Variants in RSPH14 observed in about 807,000 individuals in gnomAD.
RSPH14 encodes rhabdoid tumor deletion region gene 1.
In RSPH14, 20 loss-of-function variants were observed where a neutral mutation model predicts 26.7. The observed-to-expected ratio is 0.75, with a 90% CI of 0.53 to 1.09. The LOEUF (loss-of-function observed/expected upper bound fraction) is 1.09. Ranked by LOEUF, RSPH14 falls within the 50% of genes least tolerant of loss-of-function variation. The pLI is 0.00. For missense variants in RSPH14, 449 were observed against 457.2 expected (o/e 0.98, Z 0.16); for synonymous variants, 177 against 189.3 (o/e 0.93, Z 0.53).
At chr22:23,090,237 G>C (rs1048910162) in intron 4 of RSPH14, among the ~76,000 whole-genome samples, 1 of 151,986 alleles carries the variant, frequency 6.6e-6, no homozygotes, top group African/African-American at 2.4e-5. Context: ...CCCTCTCCAA[G>C]AGCAGCCCCT....
chr22:23,111,294 G>A (rs747117843), intron 4 of RSPH14, among the ~76,000 whole-genome samples: 4 of 152,242 alleles, frequency 2.6e-5, no homozygotes, highest in Non-Finnish European at 4.4e-5. Context: ...CCTGTGACGT[G>A]GCTGGCTCTG....
chr22:23,168,436 T>G, the RSPH14 span, among the ~76,000 whole-genome samples: 2 of 151,992 alleles, frequency 1.3e-5, no homozygotes, highest in Non-Finnish European at 2.9e-5. Flanking sequence ...GAGGGACCCC[T>G]CCTCTCCTGA....
upstream of RSPH14, chr22:23,145,183 G>C (rs1405738810): frequency 6.5e-6 from 4 of 615,806 alleles, no homozygotes; most frequent in East Asian, 1.1e-4. Flanking sequence ...CAGAACCTGC[G>C]CGAATCTCTC....
intron 4 of RSPH14, among the ~76,000 whole-genome samples, chr22:23,072,533 G>C (rs1396187943): frequency 1.3e-5 from 2 of 152,140 alleles, no homozygotes; most frequent in East Asian, 3.9e-4. Flanking sequence ...GGATGTTTTT[G>C]CTCTCCCTCT....
chr22:23,114,307 CTT>C (rs1443896638), intron 4 of RSPH14, among the ~76,000 whole-genome samples: 8 of 152,222 alleles, frequency 5.3e-5, no homozygotes, highest in African/African-American at 1.9e-4. Context: ...AGTGGGCTGA[CTT>C]GAGCTTCTCA....
chr22:23,123,642 C>G lies in RSPH14; in HGVS notation c.421+10384G>C, dbSNP rs961734571. The G allele has an allele frequency of 5.3e-5, 31 of 584,104 alleles. No homozygotes were observed. In the Admixed American group the frequency reaches 9.3e-4, roughly 18 times the overall value. 36.2% of individuals were successfully genotyped at this position (584,104 alleles called of 1,614,324 possible). A position where few individuals can be genotyped will look rare whatever the true frequency, so the allele number is the denominator to read the frequency against. ...GTAGATAGACACACACACATGCACA[C>G]ACACACATCTGGAGATGGCAAAATC... On this transcript the variant is annotated intron_variant, in intron 4 of 6. Coordinates refer to ENST00000216036, the MANE Select transcript of RSPH14 (RefSeq NM_014433.3).
At chr22:23,074,102 T>C (rs951450179) in intron 4 of RSPH14, among the ~76,000 whole-genome samples, 1 of 152,038 alleles carries the variant, frequency 6.6e-6, no homozygotes, top group Non-Finnish European at 1.5e-5. Context: ...CAGGGCCAGG[T>C]CCTGCAGGAC....
At chr22:23,111,375 G>A (rs993230537) in intron 4 of RSPH14, among the ~76,000 whole-genome samples, 1 of 152,216 alleles carries the variant, frequency 6.6e-6, no homozygotes, top group East Asian at 1.9e-4. Context: ...CACTGGACTC[G>A]GTTCCGCCTA....
chr22:23,152,459 A>G, the RSPH14 span: 1 of 1,614,032 alleles, frequency 6.2e-7, no homozygotes, highest in Non-Finnish European at 8.5e-7. Flanking sequence ...TATTTCTCAC[A>G]GGCTCAAACT....
chr22:23,071,347 TG>T lies in RSPH14; in HGVS notation c.422-7215del, dbSNP rs2068368478. 6.6e-6 allele frequency among the ~76,000 whole-genome samples: 1 copy of T among 151,932 alleles called. No homozygotes were observed. The highest frequency in any genetic ancestry group is 2.1e-4 in the South Asian group (1 of 4,818). ...GGCAGGATTCGGCCTAGGCCGAGAA[TG>T]GGGGCTCCTGTTAACTGAGACAAGA... On this transcript the variant is annotated intron_variant, in intron 4 of 6. Transcript: ENST00000216036. The surrounding 1 kb of genome is among the most constrained non-coding windows in gnomAD (Gnocchi z 4.1).
chr22:23,128,549 G>A (rs2070238075), intron 4 of RSPH14, among the ~76,000 whole-genome samples: 1 of 152,226 alleles, frequency 6.6e-6, no homozygotes, highest in Non-Finnish European at 1.5e-5. Context: ...AGCAGCTTGG[G>A]CCCAGGGCCC....
At chr22:23,115,390 A>G (rs1480056436) in intron 4 of RSPH14, among the ~76,000 whole-genome samples, 1 of 152,160 alleles carries the variant, frequency 6.6e-6, no homozygotes, top group Non-Finnish European at 1.5e-5. Context: ...TGACGGTCCC[A>G]CCATCTCTGG....
chr22:23,171,851 AAAAC>A, the RSPH14 span, among the ~76,000 whole-genome samples: 24,692 of 127,368 alleles, frequency 0.19, 2,533 homozygotes, highest in East Asian at 0.25. Context: ...TCAAAAAAAA[AAAAC>A]AAAAAAAAAA....
chr22:23,066,860 A>T (rs564691162), intron 4 of RSPH14, among the ~76,000 whole-genome samples: 18 of 152,204 alleles, frequency 1.2e-4, no homozygotes, highest in African/African-American at 3.9e-4. Context: ...TGGTTTAGAG[A>T]CAAGCAACAT....
chr22:23,145,539 A>G (rs2070713793), upstream of RSPH14: 7 of 1,601,768 alleles, frequency 4.4e-6, no homozygotes, highest in Admixed American at 1.7e-5. Context: ...CCCAGCTTTC[A>G]CAGCCATCGC....
the RSPH14 span, among the ~76,000 whole-genome samples, chr22:23,175,157 G>C: frequency 6.6e-6 from 1 of 151,522 alleles, no homozygotes; most frequent in African/African-American, 2.4e-5. Context: ...CACCACACCC[G>C]GCTAATTTGT....
chr22:23,093,711 G>T (rs1419217353), intron 4 of RSPH14, among the ~76,000 whole-genome samples: 1 of 152,224 alleles, frequency 6.6e-6, no homozygotes, highest in Non-Finnish European at 1.5e-5. Flanking sequence ...ACACAACCTG[G>T]GAGAGGCAAG....
rs1283693832 is a variant in RSPH14 at position 23,111,584 on chromosome 22, G to C, written c.421+22442C>G. ...TCCAGGGTCCCCCAAGGTCACTTTAGTAGAACCCAGTGACCATCTTGGACA... is the reference window on the plus strand; with the variant it reads ...TCCAGGGTCCCCCAAGGTCACTTTACTAGAACCCAGTGACCATCTTGGACA... On this transcript the variant is annotated intron_variant, in intron 4 of 6. Coordinates refer to ENST00000216036, the MANE Select transcript of RSPH14 (RefSeq NM_014433.3). Among the ~76,000 whole-genome samples the C allele has an allele frequency of 4.6e-5, 7 of 152,358 alleles. No homozygotes were observed. The East Asian group carries it at 1.4e-3, about 29-fold the overall frequency.
intron 1 of RSPH14, 56 bp downstream of exon 1, chr22:23,141,893 G>T: frequency 1.0e-5 from 8 of 769,188 alleles, no homozygotes; most frequent in Non-Finnish European, 1.3e-5. Context: ...AATGGGACTG[G>T]GTGGGTCACT....
Sources: allele counts gnomAD v4.1 joint callset (sites outside exome capture counted in the v4.1 genomes callset), GRCh38; gene constraint gnomAD v4.1.1; non-coding constraint Gnocchi (gnomAD v3.1); transcripts MANE v1.5; gene names NCBI Gene and HGNC (gene_info 2026-07-23, HGNC 2026-07-21).